CAMKMT: variants seen among roughly 807,000 people sequenced by gnomAD.
CAMKMT encodes the protein CaM KMT.
In CAMKMT, 53 loss-of-function variants were observed where a neutral mutation model predicts 48.0. The ratio of observed to expected loss-of-function variants is 1.10; its 90% CI spans 0.89 to 1.39. The LOEUF is 1.39. Among genes scored for constraint, CAMKMT ranks in the 40% most tolerant of loss-of-function variants. CAMKMT has a pLI of 0.00. For missense variants in CAMKMT, 428 were observed against 402.7 expected (o/e 1.06, Z -0.54); for synonymous variants, 165 against 152.3 (o/e 1.08, Z -0.61).
intron 3 of CAMKMT, among the ~76,000 whole-genome samples, chr2:44,602,007 T>C (rs1671021226): frequency 1.3e-5 from 2 of 152,030 alleles, no homozygotes; most frequent in African/African-American, 4.8e-5. Flanking sequence ...AAAATATATT[T>C]ATTTATTTAT....
At chr2:44,647,421 C>A (rs1045917381) in intron 3 of CAMKMT, among the ~76,000 whole-genome samples, 6 of 152,096 alleles carry the variant, frequency 3.9e-5, no homozygotes, top group Non-Finnish European at 8.8e-5. Flanking sequence ...TGAACAATCA[C>A]CAACAGACTT....
chr2:44,568,875 C>T (rs1249287809), intron 3 of CAMKMT, among the ~76,000 whole-genome samples: 4 of 152,092 alleles, frequency 2.6e-5, no homozygotes, highest in Non-Finnish European at 4.4e-5. Context: ...AGAACAGGAA[C>T]GAGGGAGATG....
intron 3 of CAMKMT, among the ~76,000 whole-genome samples, chr2:44,431,848 G>T (rs897131965): frequency 6.6e-6 from 1 of 152,174 alleles, no homozygotes; most frequent in Non-Finnish European, 1.5e-5. Flanking sequence ...TGGGGAACTA[G>T]TCTAAGATGT....
chr2:44,585,253 T>C (rs1669794927), intron 3 of CAMKMT, among the ~76,000 whole-genome samples: 1 of 152,210 alleles, frequency 6.6e-6, no homozygotes, highest in Non-Finnish European at 1.5e-5. Context: ...GGGTAGTCAC[T>C]GTCTTGGCTT....
At chr2:44,688,007 G>A (rs1476214617) in intron 3 of CAMKMT, among the ~76,000 whole-genome samples, 2 of 152,218 alleles carry the variant, frequency 1.3e-5, no homozygotes, top group Admixed American at 6.5e-5. Flanking sequence ...TTTTGGAATA[G>A]ATGTTTTAAT....
At chr2:44,376,472 C>A (rs1298584124) in intron 2 of CAMKMT, among the ~76,000 whole-genome samples, 10 of 150,884 alleles carry the variant, frequency 6.6e-5, no homozygotes, top group Non-Finnish European at 1.5e-4. Flanking sequence ...CCTCACAAAT[C>A]ATAATTGTAA....
intron 10 of CAMKMT, among the ~76,000 whole-genome samples, chr2:44,768,545 T>A (rs1035211116): frequency 2.6e-5 from 4 of 151,890 alleles, no homozygotes; most frequent in African/African-American, 9.6e-5. Flanking sequence ...GCCGGAGCAG[T>A]GAGCCGGGGG....
At chr2:44,420,642 G>T (rs1415684784) in intron 3 of CAMKMT, among the ~76,000 whole-genome samples, 1 of 151,960 alleles carries the variant, frequency 6.6e-6, no homozygotes, top group Admixed American at 6.6e-5. Context: ...CCTGGGAGCA[G>T]TGAGGCACCT....
intron 3 of CAMKMT, among the ~76,000 whole-genome samples, chr2:44,509,192 G>C (rs775665527): frequency 2.0e-5 from 3 of 152,120 alleles, no homozygotes; most frequent in Non-Finnish European, 4.4e-5. Context: ...GACTGAGCCA[G>C]GGTTTCAGCT....
intron 3 of CAMKMT, among the ~76,000 whole-genome samples, chr2:44,471,286 C>T (rs1168380556): frequency 7.9e-5 from 12 of 151,812 alleles, no homozygotes; most frequent in African/African-American, 2.7e-4. Context: ...CCACCGCGCC[C>T]GGCTCTAATG....
intron 3 of CAMKMT, among the ~76,000 whole-genome samples, chr2:44,635,108 A>G (rs549934094): frequency 6.6e-6 from 1 of 152,238 alleles, no homozygotes; most frequent in African/African-American, 2.4e-5. Context: ...ATTAGATGCT[A>G]TGCAAGGTGT....
rs182346781 is a variant in CAMKMT at position 44,451,280 on chromosome 2, G to A, written c.376+60975G>A. Among the ~76,000 whole-genome samples the A allele has an allele frequency of 2.0e-5, 3 of 152,096 alleles. No individual in the cohort carries two copies. The East Asian group carries it at 5.8e-4, about 29-fold the overall frequency. The stretch of plus-strand genomic sequence containing the variant: ...TTGAAGTAGAATAGTTGTTTCTCAT[G>A]TACATGTATTACAGTAGACAAAGTG... On this transcript the variant is annotated intron_variant, in intron 3 of 10. Coordinates refer to ENST00000378494, the MANE Select transcript of CAMKMT (RefSeq NM_024766.5).
At chr2:44,598,463 C>G (rs1042539754) in intron 3 of CAMKMT, among the ~76,000 whole-genome samples, 16 of 151,838 alleles carry the variant, frequency 1.1e-4, no homozygotes, top group African/African-American at 3.9e-4. Context: ...GATATATACA[C>G]TGTGCATTTT....
intron 6 of CAMKMT, among the ~76,000 whole-genome samples, chr2:44,709,630 A>G (rs903255321): frequency 2.0e-5 from 3 of 151,672 alleles, no homozygotes; most frequent in Non-Finnish European, 2.9e-5. Context: ...TTTTTTTTCT[A>G]TTTGCATGCC....
At chr2:44,588,802 C>T (rs1316348667) in intron 3 of CAMKMT, among the ~76,000 whole-genome samples, 1 of 40,516 alleles carries the variant, frequency 2.5e-5, no homozygotes, top group East Asian at 4.1e-4. Flanking sequence ...CCCGGCCAGC[C>T]GCCCCGTCCG....
chr2:44,537,332 A>G (rs1184584889), intron 3 of CAMKMT, among the ~76,000 whole-genome samples: 1 of 152,170 alleles, frequency 6.6e-6, no homozygotes, highest in East Asian at 1.9e-4. Flanking sequence ...CAAACAAACA[A>G]ACAGTTCCAT....
rs144249446 is a variant in CAMKMT at position 44,453,179 on chromosome 2, G to C, written c.376+62874G>C. Among the ~76,000 whole-genome samples the C allele has an allele frequency of 6.0e-3, 912 of 152,058 alleles. 3 individuals are homozygous for C. Among genetic ancestry groups the C allele is most frequent in the Middle Eastern group, 0.024 (7 of 294 alleles). ...ATTCAATCATCTATTATTAAAAGTAGATGTGGCTGTAGGGAGCAAAACCAC... is the reference window on the plus strand; with the variant it reads ...ATTCAATCATCTATTATTAAAAGTACATGTGGCTGTAGGGAGCAAAACCAC... On this transcript the variant is annotated intron_variant, in intron 3 of 10. Coordinates refer to ENST00000378494, the MANE Select transcript of CAMKMT (RefSeq NM_024766.5).
At chr2:44,669,915 G>A (rs1303988675) in intron 3 of CAMKMT, among the ~76,000 whole-genome samples, 1 of 152,200 alleles carries the variant, frequency 6.6e-6, no homozygotes, top group Non-Finnish European at 1.5e-5. Context: ...CAGGATTACA[G>A]GTGTGAGTCC....
At chr2:44,529,243 A>C (rs1421408290) in intron 3 of CAMKMT, among the ~76,000 whole-genome samples, 1 of 152,140 alleles carries the variant, frequency 6.6e-6, no homozygotes. Context: ...AACCTATTTC[A>C]TGTGTTTCAA....
Sources: gnomAD v4.1 joint callset for allele counts (sites outside exome capture counted in the v4.1 genomes callset) on GRCh38, gnomAD v4.1.1 for gene constraint, MANE v1.5 for transcripts, NCBI Gene and HGNC (gene_info 2026-07-23, HGNC 2026-07-21) for gene names.